SLC1A2: variants seen among roughly 807,000 people sequenced by gnomAD.
The protein encoded by SLC1A2 is solute carrier family 1 member 2, also known as excitatory amino acid transporter 2.
SLC1A2 carries 15 observed loss-of-function variants against 48.8 expected under a neutral mutation model. That is an observed-to-expected ratio of 0.31 (90% CI 0.21 to 0.47). SLC1A2 has a LOEUF of 0.47. SLC1A2 is among the 20% of genes least tolerant of loss of function. The pLI is 0.99. For missense variants in SLC1A2, 502 were observed against 730.5 expected (o/e 0.69, Z 3.61); for synonymous variants, 279 against 272.6 (o/e 1.02, Z -0.23).
At chr11:35,322,449 T>C in intron 1 of SLC1A2, 1 of 660,162 alleles carries the variant, frequency 1.5e-6, no homozygotes. Flanking sequence ...CAAACTCTTT[T>C]TTCCACCTTC....
At chr11:35,359,761 T>TC (rs1219324689) in intron 1 of SLC1A2, among the ~76,000 whole-genome samples, 8 of 152,356 alleles carry the variant, frequency 5.3e-5, no homozygotes, top group Non-Finnish European at 1.0e-4. Context: ...CAGAAACCAA[T>TC]TGTTTTTCCT....
intron 1 of SLC1A2, among the ~76,000 whole-genome samples, chr11:35,381,642 C>A (rs7119850): frequency 0.16 from 23,662 of 151,984 alleles, 1,948 homozygotes; most frequent in African/African-American, 0.19. Context: ...CAAGCCACAG[C>A]CTGTCCACTC....
chr11:35,374,454 G>T, intron 1 of SLC1A2: 1 of 351,694 alleles, frequency 2.8e-6, no homozygotes, highest in Non-Finnish European at 5.7e-6. Context: ...AGATGAGACA[G>T]TAGCCAAACC....
At chr11:35,411,944 A>G (rs1432228804) in intron 1 of SLC1A2, among the ~76,000 whole-genome samples, 1 of 151,964 alleles carries the variant, frequency 6.6e-6, no homozygotes, top group Non-Finnish European at 1.5e-5. Context: ...ATTCTTTAAG[A>G]TTCTTTAAGA....
At chr11:35,357,549 C>A (rs943621542) in intron 1 of SLC1A2, among the ~76,000 whole-genome samples, 3 of 152,140 alleles carry the variant, frequency 2.0e-5, no homozygotes, top group African/African-American at 7.2e-5. Context: ...CAAAGATGGT[C>A]ATTTGCAACA....
chr11:35,293,199 G>A (rs1851066630), intron 6 of SLC1A2, among the ~76,000 whole-genome samples: 2 of 152,140 alleles, frequency 1.3e-5, no homozygotes, highest in Non-Finnish European at 2.9e-5. Flanking sequence ...AAATCTAGGT[G>A]TCATTATTGC....
At chr11:35,393,688 G>GA in intron 1 of SLC1A2, among the ~76,000 whole-genome samples, 1 of 152,134 alleles carries the variant, frequency 6.6e-6, no homozygotes, top group East Asian at 1.9e-4. Context: ...ACAAATGTGG[G>GA]AAAAAAGTCA....
chr11:35,317,372 C>T lies in SLC1A2; in HGVS notation c.157+5G>A. 1 of 1,613,732 alleles carries T rather than the reference C, an allele frequency of 6.2e-7. No individual in the cohort carries two copies. Among genetic ancestry groups the T allele is most frequent in the Non-Finnish European group, 8.5e-7 (1 of 1,179,718 alleles). On this transcript the variant is annotated splice_donor_5th_base_variant and intron_variant, in intron 2 of 10. Transcript: ENST00000278379. ...GGCTGGGGGTGGGGTAGTGCAGGTA[C>T]CTACCAAACACCGTCAGGGTGAGCA...
intron 1 of SLC1A2, among the ~76,000 whole-genome samples, chr11:35,358,864 C>T (rs1181857604): frequency 6.6e-6 from 1 of 152,078 alleles, no homozygotes; most frequent in Non-Finnish European, 1.5e-5. Flanking sequence ...AAGCGGGAGG[C>T]GGTGGTCATT....
At chr11:35,355,889 CAAA>C (rs34058137) in intron 1 of SLC1A2, among the ~76,000 whole-genome samples, 119 of 117,030 alleles carry the variant, frequency 1.0e-3, no homozygotes, top group East Asian at 6.5e-3. Flanking sequence ...CATCTCATCT[CAAA>C]AAAAAAAAAA....
chr11:35,368,331 C>T (rs1238718522), intron 1 of SLC1A2, among the ~76,000 whole-genome samples: 1 of 152,194 alleles, frequency 6.6e-6, no homozygotes, highest in Non-Finnish European at 1.5e-5. Flanking sequence ...TTACCACTTC[C>T]TAGCTGTGTG....
At chr11:35,369,708 T>C (rs10836383) in intron 1 of SLC1A2, among the ~76,000 whole-genome samples, 42,951 of 152,152 alleles carry the variant, frequency 0.28, 6,212 homozygotes, top group African/African-American at 0.33. Flanking sequence ...TGACTGCCTC[T>C]TAAGCTCTGC....
chr11:35,351,053 T>C (rs1012216887), intron 1 of SLC1A2, among the ~76,000 whole-genome samples: 3 of 152,210 alleles, frequency 2.0e-5, no homozygotes, highest in African/African-American at 7.2e-5. Context: ...GAGAGATTAA[T>C]AAAAATAATA....
At chr11:35,290,425 C>T (rs1850961251) in intron 7 of SLC1A2, among the ~76,000 whole-genome samples, 1 of 151,858 alleles carries the variant, frequency 6.6e-6, no homozygotes, top group Admixed American at 6.6e-5. Context: ...ATACGTTGAC[C>T]AGTAAAAAAA....
chr11:35,265,708 C>G lies in SLC1A2; in HGVS notation c.1472G>C (p.Gly491Ala). 6.2e-7 allele frequency: 1 copy of G among 1,614,028 alleles called. No individual in the cohort carries two copies. The highest frequency in any genetic ancestry group is 8.5e-7 in the Non-Finnish European group (1 of 1,179,930). Residue 491 changes from glycine to alanine, a missense_variant, in exon 10 of 11, where the codon GGG (glycine) becomes GCG (alanine). Around this residue, in one of 4 missense-constraint regions of SLC1A2, gnomAD observed 102 missense variants for 107.2 expected, o/e 0.95. Transcript: ENST00000278379. ...VNVVGDSFGA[G>A]IVYHLSKSEL... ...AGACTTGGAGAGGTGATAGACTATC[C>G]CAGCCCCAAAAGAGTCACCCACAAC...
In SLC1A2 at chr11:35,252,775, CATCTAT is replaced by C. The variant is rs1280793942; in HGVS notation, c.*8113_*8118del. 1.3e-5 allele frequency: 2 copies of C among 152,598 alleles called. No homozygotes were observed. The highest frequency in any genetic ancestry group is 1.5e-5 in the Non-Finnish European group (1 of 68,030). The allele number at this position is 152,598 out of a possible 1,614,324, so 9.5% of individuals were successfully genotyped here. ...TAACATATACATTTAAATTACAATACATCTATACACCATTTCACTGAAATTACACCT... is the reference window on the plus strand; with the variant it reads ...TAACATATACATTTAAATTACAATACACACCATTTCACTGAAATTACACCT... On this transcript the variant is annotated 3_prime_UTR_variant, in exon 11 of 11. Transcript: ENST00000278379.
rs527264961 is a variant in SLC1A2, at chr11:35,403,750, C to T, written c.17+15200G>A. 4.6e-5 allele frequency among the ~76,000 whole-genome samples: 7 copies of T among 151,830 alleles called. No homozygotes were observed. In the East Asian group the frequency reaches 5.9e-4, roughly 13 times the overall value. Reference sequence around the variant, plus strand: ...TAAAGAACTCATCCAGTGAGCTCTTCGGCTGCATGCATTTATTTATTCAAC... The same window carrying T: ...TAAAGAACTCATCCAGTGAGCTCTTTGGCTGCATGCATTTATTTATTCAAC... On this transcript the variant is annotated intron_variant, in intron 1 of 10. Transcript: ENST00000278379.
chr11:35,261,726 C>T (rs1950397203), intron 10 of SLC1A2: 1 of 398,314 alleles, frequency 2.5e-6, no homozygotes, highest in African/African-American at 2.1e-5. Flanking sequence ...ACTGATATTC[C>T]ACATAATGGA....
At chr11:35,412,284 A>G (rs1300117803) in intron 1 of SLC1A2, among the ~76,000 whole-genome samples, 1 of 152,230 alleles carries the variant, frequency 6.6e-6, no homozygotes, top group East Asian at 1.9e-4. Context: ...ATATATATAT[A>G]GCCACATAAG....
Sources: gnomAD v4.1 joint callset for allele counts (sites outside exome capture counted in the v4.1 genomes callset) on GRCh38, gnomAD v4.1.1 for gene constraint, gnomAD v4.1.1 regional missense constraint, MANE v1.5 for transcripts, NCBI Gene and HGNC (gene_info 2026-07-23, HGNC 2026-07-21) for gene names.